SPATA9: variants seen among roughly 807,000 people sequenced by gnomAD.
The protein encoded by SPATA9 is spermatogenesis associated 9.
A neutral mutation model predicts 25.5 loss-of-function variants in SPATA9; 27 were observed. The ratio of observed to expected loss-of-function variants is 1.06; its 90% CI spans 0.78 to 1.46. SPATA9 has a LOEUF of 1.46. SPATA9 is among the 40% of genes most tolerant of loss of function. The pLI is 0.00. For synonymous variants in SPATA9, 102 were observed against 105.7 expected (o/e 0.97, Z 0.21); for missense variants, 282 against 297.5 (o/e 0.95, Z 0.38).
the SPATA9 span, among the ~76,000 whole-genome samples, chr5:95,715,153 A>G: frequency 3.9e-5 from 6 of 151,982 alleles, no homozygotes; most frequent in South Asian, 2.1e-4. Context: ...GTGAAACCCC[A>G]TCTCTACTGA....
chr5:95,722,326 G>T, the SPATA9 span, among the ~76,000 whole-genome samples: 1 of 152,078 alleles, frequency 6.6e-6, no homozygotes, highest in African/African-American at 2.4e-5. Context: ...AGATATACCA[G>T]CAAAGTATTA....
chr5:95,684,656 C>T (rs1753689733), upstream of SPATA9: 1 of 152,220 alleles, frequency 6.6e-6, no homozygotes, highest in Admixed American at 6.5e-5. Flanking sequence ...AAGAAAATCT[C>T]ACCCTGCAGC....
At chr5:95,701,228 A>G (rs1218783162), upstream of SPATA9, 2 of 152,160 alleles carry the variant, frequency 1.3e-5, no homozygotes, top group Non-Finnish European at 2.9e-5. Context: ...ATTCTTTGGA[A>G]GCAGGCTCAG....
chr5:95,713,219 A>G, the SPATA9 span, among the ~76,000 whole-genome samples: 6 of 152,116 alleles, frequency 3.9e-5, no homozygotes, highest in South Asian at 1.0e-3. Context: ...TGAGTCCATC[A>G]AGCTATGAAG....
the SPATA9 span, among the ~76,000 whole-genome samples, chr5:95,726,398 T>A: frequency 1.2e-3 from 178 of 152,352 alleles, no homozygotes; most frequent in African/African-American, 4.2e-3. Flanking sequence ...AGTACACTAC[T>A]TAAACATGCT....
chr5:95,657,953 T>C (rs1750867445), downstream of SPATA9: 1 of 152,172 alleles, frequency 6.6e-6, no homozygotes, highest in Non-Finnish European at 1.5e-5. Flanking sequence ...AGCCCTGGTT[T>C]GCAGGAATAA....
At chr5:95,673,708 T>A (rs1357405716) in intron 3 of SPATA9, among the ~76,000 whole-genome samples, 1 of 152,054 alleles carries the variant, frequency 6.6e-6, no homozygotes. Flanking sequence ...TAGCTTTGTT[T>A]CTTTTTTGCT....
chr5:95,709,576 GTGAAGGCAGGTC>G, the SPATA9 span, among the ~76,000 whole-genome samples: 1 of 152,172 alleles, frequency 6.6e-6, no homozygotes, highest in South Asian at 2.1e-4. Flanking sequence ...TATGGACGAG[GTGAAGGCAGGTC>G]CATTATCAGA....
At chr5:95,728,282 A>G in the SPATA9 span, among the ~76,000 whole-genome samples, 1 of 152,032 alleles carries the variant, frequency 6.6e-6, no homozygotes, top group African/African-American at 2.4e-5. Context: ...TAATATAGAA[A>G]CCTTCATGCC....
intron 1 of SPATA9, among the ~76,000 whole-genome samples, chr5:95,691,044 A>G (rs775783783): frequency 3.3e-5 from 5 of 151,812 alleles, no homozygotes; most frequent in South Asian, 2.1e-4. Context: ...GTGAAACCCC[A>G]TCTCTACTAA....
chr5:95,692,666 C>G (rs1753921495), intron 1 of SPATA9, among the ~76,000 whole-genome samples: 1 of 151,904 alleles, frequency 6.6e-6, no homozygotes, highest in South Asian at 2.1e-4. Flanking sequence ...AAGAAGAGTT[C>G]TTTTCAATGC....
chr5:95,710,806 C>G, the SPATA9 span, among the ~76,000 whole-genome samples: 5 of 152,182 alleles, frequency 3.3e-5, no homozygotes, highest in Non-Finnish European at 2.9e-5. Flanking sequence ...TTATCAGCAG[C>G]CTTTTCAGCT....
chr5:95,707,810 T>C, the SPATA9 span, among the ~76,000 whole-genome samples: 1 of 151,816 alleles, frequency 6.6e-6, no homozygotes, highest in Middle Eastern at 3.2e-3. Flanking sequence ...TCAATTCAGG[T>C]GGAAAGAAGG....
At chr5:95,723,766 G>A in the SPATA9 span, among the ~76,000 whole-genome samples, 1 of 152,072 alleles carries the variant, frequency 6.6e-6, no homozygotes, top group South Asian at 2.1e-4. Context: ...GCCAGCCCCA[G>A]TGCTGTGTTC....
intron 4 of SPATA9, among the ~76,000 whole-genome samples, chr5:95,663,121 A>C (rs537135314): frequency 6.6e-6 from 1 of 152,342 alleles, no homozygotes; most frequent in East Asian, 1.9e-4. Flanking sequence ...AATAATCCAA[A>C]TGTCCATCAG....
At chr5:95,662,929 A>G (rs142391986) in intron 4 of SPATA9, among the ~76,000 whole-genome samples, 88 of 152,358 alleles carry the variant, frequency 5.8e-4, no homozygotes, top group Middle Eastern at 3.4e-3. Context: ...ACTGTCAGTA[A>G]TGATGTGGAG....
chr5:95,680,979 T>C (rs973528616), intron 2 of SPATA9, among the ~76,000 whole-genome samples: 8 of 152,234 alleles, frequency 5.3e-5, no homozygotes, highest in African/African-American at 2.4e-5. Flanking sequence ...ACACTGTCAG[T>C]TTCAAAGTAT....
chr5:95,668,740 A>G (rs1246233853), intron 3 of SPATA9, among the ~76,000 whole-genome samples: 3 of 152,228 alleles, frequency 2.0e-5, no homozygotes, highest in Admixed American at 6.5e-5. Flanking sequence ...CTTTAATTCA[A>G]CTTTTTCCAC....
the SPATA9 span, among the ~76,000 whole-genome samples, chr5:95,715,626 A>G: frequency 2.6e-5 from 4 of 152,202 alleles, no homozygotes; most frequent in African/African-American, 9.6e-5. Context: ...GAGAGGCAAA[A>G]TATAACACTA....
Sources: allele counts gnomAD v4.1 joint callset (sites outside exome capture counted in the v4.1 genomes callset), GRCh38; gene constraint gnomAD v4.1.1; transcripts MANE v1.5; gene names NCBI Gene and HGNC (gene_info 2026-07-23, HGNC 2026-07-21).